PDCD2: variants seen among roughly 807,000 people sequenced by gnomAD.
The protein encoded by PDCD2 is uS5 assembly chaperone PDCD2.
In PDCD2, 38 loss-of-function variants were observed where a neutral mutation model predicts 38.1. The observed-to-expected ratio is 1.00, with a 90% CI of 0.77 to 1.31. PDCD2 has a LOEUF of 1.31. Among genes scored for constraint, PDCD2 ranks in the 50% most tolerant of loss-of-function variants. PDCD2 has a pLI of 0.00. For missense variants in PDCD2, 473 were observed against 435.7 expected, an observed-to-expected ratio of 1.09 and a Z score of -0.76; for synonymous variants, 205 against 168.9, an observed-to-expected ratio of 1.21 and a Z score of -1.66.
chr6:170,580,237 T>C, intron 3 of PDCD2, 132 bp from the exon 4 acceptor site: 1 of 619,176 alleles, frequency 1.6e-6, no homozygotes, highest in Non-Finnish European at 2.9e-6. Context: ...TTGGACCATC[T>C]GAATTTCCAG....
At chr6:170,582,769 G>C in intron 3 of PDCD2, 1 of 1,273,974 alleles carries the variant, frequency 7.8e-7, no homozygotes, top group South Asian at 2.2e-5. Flanking sequence ...CCGAGAAACC[G>C]ATCTGCGACC....
chr6:170,584,546 G>A lies in PDCD2; in HGVS notation c.36C>T (p.Gly12=). The A allele has an allele frequency of 7.4e-7, 1 of 1,358,854 alleles. No individual in the cohort carries two copies. The highest frequency in any genetic ancestry group is 1.8e-5 in the South Asian group (1 of 56,380). 84.2% of individuals were successfully genotyped at this position (1,358,854 alleles called of 1,614,324 possible). A position where few individuals can be genotyped will look rare whatever the true frequency, so the allele number is the denominator to read the frequency against. Residue 12 remains glycine (G), a synonymous_variant, in exon 1 of 6, where the codon GGC becomes GGT. Transcript: ENST00000541970. ...AAAGARPVEL[G]FAESAPAWRL... is the part of the protein sequence containing the mutation. Reference sequence around the variant, plus strand: ...GCCACGCCGGCGCCGACTCGGCGAAGCCCAGCTCCACAGGCCTGGCCCCGG... The same window carrying A: ...GCCACGCCGGCGCCGACTCGGCGAAACCCAGCTCCACAGGCCTGGCCCCGG...
rs778899901 is a variant in PDCD2 at position 170,583,551 on chromosome 6, C to G, written c.480G>C (p.Gln160His). The G allele has an allele frequency of 1.2e-6, 2 of 1,613,854 alleles. No individual in the cohort carries two copies. Among genetic ancestry groups the G allele is most frequent in the Admixed American group, 3.3e-5 (2 of 60,020 alleles). Reference sequence around the variant, plus strand: ...TATGTCCCAATCTCCAGTCTAGGGTCTGATGCTCCTTGCTGCAGTAATATG... The same window carrying G: ...TATGTCCCAATCTCCAGTCTAGGGTGTGATGCTCCTTGCTGCAGTAATATG... ...HKAYYCSKEH[Q>H]TLDWRLGHKQ... The change falls in exon 2 of 6, where the codon CAG (glutamine) becomes CAC (histidine). Residue 160 changes from glutamine to histidine, a missense_variant. By Grantham distance (24) the Gln-to-His change is conservative (BLOSUM62 0). Coordinates refer to ENST00000541970, the MANE Select transcript of PDCD2 (RefSeq NM_002598.4).
At chr6:170,581,887 G>GT (rs1338641549) in intron 3 of PDCD2, 2 of 338,926 alleles carry the variant, frequency 5.9e-6, no homozygotes, top group South Asian at 2.5e-5. Flanking sequence ...TACATCAAGA[G>GT]TTTTTTACTT....
At position 170,583,749 on chromosome 6, in the gene PDCD2, TAAA is replaced by T. The variant is rs773710655; in HGVS notation, c.284-5_284-3del. ...TCCTGGGTAGTTGATTCCTAAAAAC[TAAA>T]AAAGAATACAGAGAAAAGTTTTATC... On this transcript the variant is annotated splice_polypyrimidine_tract_variant and splice_region_variant and intron_variant, in intron 1 of 5. Coordinates refer to ENST00000541970, the MANE Select transcript of PDCD2 (RefSeq NM_002598.4). 27 of 1,600,884 alleles carry T rather than the reference TAAA, an allele frequency of 1.7e-5. No homozygotes were observed. Among genetic ancestry groups the T allele is most frequent in the Non-Finnish European group, 2.0e-5 (24 of 1,170,986 alleles).
rs1429104658 is a variant in PDCD2 at position 170,578,911 on chromosome 6, T to C, written c.822A>G (p.Gln274=). ...PIWISGENIP[Q]EKDIPDCPCG... is the part of the protein sequence containing the mutation. ...AGGGGCAATCTGGAATATCCTTTTC[T>C]TGAGGAATATTTTCACCAGAAATCC... Residue 274 remains glutamine (Q), a synonymous_variant, in exon 5 of 6, where the codon CAA becomes CAG. Coordinates refer to ENST00000541970, the MANE Select transcript of PDCD2 (RefSeq NM_002598.4). 6.2e-7 allele frequency: 1 copy of C among 1,608,064 alleles called. No homozygotes were observed. Among genetic ancestry groups the C allele is most frequent in the South Asian group, 1.1e-5 (1 of 89,640 alleles).
In PDCD2 at chr6:170,578,980, A is replaced by G. The variant is rs1264704906; in HGVS notation, c.763-10T>C. On this transcript the variant is annotated splice_polypyrimidine_tract_variant and intron_variant, in intron 4 of 5. Coordinates refer to ENST00000541970, the MANE Select transcript of PDCD2 (RefSeq NM_002598.4). ...TGCCATATCTAAGAATCTAAAATCA[A>G]TGAAGATCATGTTCAAATAATCAAT... is the stretch of plus-strand genomic sequence containing the variant. 5 of 1,476,232 alleles carry G rather than the reference A, an allele frequency of 3.4e-6. No homozygotes were observed. Among genetic ancestry groups the G allele is most frequent in the South Asian group, 1.2e-5 (1 of 83,608 alleles). The allele number at this position is 1,476,232 out of a possible 1,614,324, so 91.4% of individuals were successfully genotyped here.
Position 170,576,743 on chromosome 6 carries a change from G to C in PDCD2, c.*816C>G, listed in dbSNP as rs2115008160. 6.6e-6 allele frequency: 1 copy of C among 152,332 alleles called. No individual in the cohort carries two copies. The highest frequency in any genetic ancestry group is 2.1e-4 in the South Asian group (1 of 4,824). The allele number at this position is 152,332 out of a possible 1,614,324, so 9.4% of individuals were successfully genotyped here. On this transcript the variant is annotated 3_prime_UTR_variant, in exon 6 of 6. Transcript: ENST00000541970. Reference sequence around the variant, plus strand: ...TCCATAACCCTTGTATGTGCGATAGGGAACCTGTATACAATGCTGACACGG... The same window carrying C: ...TCCATAACCCTTGTATGTGCGATAGCGAACCTGTATACAATGCTGACACGG...
At chr6:170,583,400 A>C (rs74322750) in intron 2 of PDCD2, 105 bp downstream of exon 2, 22 of 1,207,006 alleles carry the variant, frequency 1.8e-5, no homozygotes, top group Non-Finnish European at 2.3e-5. Context: ...GAAAAATTTT[A>C]AAGTACTATA....
chr6:170,581,611 A>G lies in PDCD2; in HGVS notation c.658+1446T>C, dbSNP rs146573166. The G allele has an allele frequency of 4.3e-3, 666 of 154,584 alleles. 23 individuals carry two copies. Among genetic ancestry groups the G allele is most frequent in the Admixed American group, 0.033 (528 of 15,782 alleles). The allele number at this position is 154,584 out of a possible 1,614,324, so 9.6% of individuals were successfully genotyped here. A position where few individuals can be genotyped will look rare whatever the true frequency, so the allele number is the denominator to read the frequency against. ...AAAGAGCCTGGAGTTCCTTTTAGAG[A>G]GAAATGGTACGTAGACACAATCAAC... On this transcript the variant is annotated intron_variant, in intron 3 of 5. Transcript: ENST00000541970.
rs1426986500 is a variant in PDCD2, at chr6:170,577,043, C to G, written c.*516G>C. On this transcript the variant is annotated 3_prime_UTR_variant, in exon 6 of 6. Coordinates refer to ENST00000541970, the MANE Select transcript of PDCD2 (RefSeq NM_002598.4). ...CTGTGATAATCAGCTAATGATCAGA[C>G]AAGTTTGTTGGGAGTTTTACCTAAG... 1 of 152,846 alleles carries G rather than the reference C, an allele frequency of 6.5e-6. No homozygotes were observed. The allele number at this position is 152,846 out of a possible 1,614,324, so 9.5% of individuals were successfully genotyped here.
rs778296317 is a variant in PDCD2, at chr6:170,583,112, C to G, written c.603G>C (p.Glu201Asp). ...EFEIVIETED[E>D]IMPEVVEKED... ...CCTTTTCCACAACCTCAGGCATAAT[C>G]TCATCTTCTGTTTCTATTACAATTT... is the stretch of plus-strand genomic sequence containing the variant. Residue 201 changes from glutamate (E) to aspartate (D), a missense_variant, in exon 3 of 6, where the codon GAG (glutamate) becomes GAC (aspartate). Glu to Asp is a conservative substitution (Grantham distance 45, BLOSUM62 2). Coordinates refer to ENST00000541970, the MANE Select transcript of PDCD2 (RefSeq NM_002598.4). The G allele has an allele frequency of 1.2e-6, 2 of 1,613,236 alleles. No individual in the cohort carries two copies. Among genetic ancestry groups the G allele is most frequent in the East Asian group, 2.2e-5 (1 of 44,872 alleles).
intron 3 of PDCD2, among the ~76,000 whole-genome samples, chr6:170,580,443 A>T (rs1449160826): frequency 6.6e-6 from 1 of 152,218 alleles, no homozygotes; most frequent in African/African-American, 2.4e-5. Flanking sequence ...GGCCTGGAGC[A>T]GTGGCTCACG....
Position 170,583,100 on chromosome 6 carries a change from C to A in PDCD2, c.615G>T (p.Glu205Asp). ...CTGAGTAATCTTCCTTTTCCACAAC[C>A]TCAGGCATAATCTCATCTTCTGTTT... ...VIETEDEIMPEVVEKEDYSEI... is the reference protein window; with the variant it reads ...VIETEDEIMPDVVEKEDYSEI... The change falls in exon 3 of 6, where the codon GAG becomes GAT. Residue 205 changes from glutamate (E) to aspartate (D), a missense_variant. Transcript: ENST00000541970. 7 of 1,613,060 alleles carry A rather than the reference C, an allele frequency of 4.3e-6. No homozygotes were observed. The highest frequency in any genetic ancestry group is 5.1e-6 in the Non-Finnish European group (6 of 1,179,316).
chr6:170,581,834 G>A, intron 3 of PDCD2: 2 of 274,334 alleles, frequency 7.3e-6, no homozygotes, highest in Admixed American at 5.1e-5. Context: ...ACTGTCCTAT[G>A]TTTTGAAGTC....
At chr6:170,582,788 C>T (rs1482185877) in intron 3 of PDCD2, 14 of 1,290,346 alleles carry the variant, frequency 1.1e-5, no homozygotes, top group Admixed American at 7.7e-5. Context: ...CCCAGAGGAA[C>T]TTACCAAGCC....
chr6:170,575,386 G>T lies in PDCD2; in HGVS notation c.*2173C>A, dbSNP rs908828015. 2.6e-5 allele frequency: 4 copies of T among 151,896 alleles called. No individual in the cohort carries two copies. The highest frequency in any genetic ancestry group is 9.7e-5 in the African/African-American group (4 of 41,302). The allele number at this position is 151,896 out of a possible 1,614,324, so 9.4% of individuals were successfully genotyped here. ...GTATCTGAAATAAAAAGGCAAAGCT[G>T]AATATGCTGCTCTCTACAGCAGAGG... On this transcript the variant is annotated 3_prime_UTR_variant, in exon 6 of 6. Coordinates refer to ENST00000541970, the MANE Select transcript of PDCD2 (RefSeq NM_002598.4).
At position 170,575,626 on chromosome 6, in the gene PDCD2, TTATTTTAAATA is replaced by T. The variant is rs539749153; in HGVS notation, c.*1922_*1932del. 1.8e-4 allele frequency: 27 copies of T among 152,364 alleles called. No homozygotes were observed. In the South Asian group the frequency reaches 5.0e-3, roughly 28 times the overall value. 9.4% of individuals were successfully genotyped at this position (152,364 alleles called of 1,614,324 possible). A position where few individuals can be genotyped will look rare whatever the true frequency, so the allele number is the denominator to read the frequency against. On this transcript the variant is annotated 3_prime_UTR_variant, in exon 6 of 6. Transcript: ENST00000541970. ...ATTTAAATTTTTTATGTTGTACAGT[TTATTTTAAATA>T]TAGTTGCTATTTTTTAACACAGATG... is the stretch of plus-strand genomic sequence containing the variant.
chr6:170,577,471 G>T lies in PDCD2; in HGVS notation c.*88C>A. 9.0e-7 allele frequency: 1 copy of T among 1,110,984 alleles called. No individual in the cohort carries two copies. Among genetic ancestry groups the T allele is most frequent in the Non-Finnish European group, 1.3e-6 (1 of 768,968 alleles). The allele number at this position is 1,110,984 out of a possible 1,614,324, so 68.8% of individuals were successfully genotyped here. ...CAACATCTCTGCACCTCTATTTTTG[G>T]TATAAGTATTTCCTTAGGATAAAAT... On this transcript the variant is annotated 3_prime_UTR_variant, in exon 6 of 6. Coordinates refer to ENST00000541970, the MANE Select transcript of PDCD2 (RefSeq NM_002598.4).
Sources: allele counts gnomAD v4.1 joint callset (sites outside exome capture counted in the v4.1 genomes callset), GRCh38; gene constraint gnomAD v4.1.1; transcripts MANE v1.5; gene names NCBI Gene and HGNC (gene_info 2026-07-23, HGNC 2026-07-21).